The following SMTN variants were observed in gnomAD, a reference collection of about 807,000 sequenced individuals.
The protein encoded by SMTN is smoothelin.
SMTN carries 58 observed loss-of-function variants against 102.0 expected under a neutral mutation model. The observed-to-expected ratio is 0.57, with a 90% CI of 0.46 to 0.71. The LOEUF (loss-of-function observed/expected upper bound fraction) is 0.71. Ranked by LOEUF, SMTN falls within the 30% of genes least tolerant of loss-of-function variation. The probability of loss-of-function intolerance (pLI) is 0.00; values close to 1 mark genes in which losing one functional copy is unlikely to be tolerated. For synonymous variants in SMTN, 478 were observed against 497.9 expected, an observed-to-expected ratio of 0.96 and a Z score of 0.53; for missense variants, 1,185 against 1,241.7, an observed-to-expected ratio of 0.95 and a Z score of 0.69.
intron 19 of SMTN, 28 bp from the exon 20 acceptor site, chr22:31,100,857 C>A: frequency 2.6e-6 from 3 of 1,169,368 alleles, no homozygotes; most frequent in Non-Finnish European, 2.5e-6. Context: ...CCGTCCCCCA[C>A]CCCTTCCCGG....
Position 31,090,952 on chromosome 22 carries a change from T to TCCTTC in SMTN, c.938-8_938-4dup. On this transcript the variant is annotated splice_polypyrimidine_tract_variant and intron_variant, in intron 9 of 20. Coordinates refer to ENST00000333137, the MANE Select transcript of SMTN (RefSeq NM_134269.3). ...ACCCAGTTGCTGACAGCCCTCCTGT[T>TCCTTC]CCTTCTAGAGTCCACCCCCCTTGCC... The TCCTTC allele has an allele frequency of 6.2e-7, 1 of 1,612,898 alleles. No homozygotes were observed. Among genetic ancestry groups the TCCTTC allele is most frequent in the Non-Finnish European group, 8.5e-7 (1 of 1,179,118 alleles).
At chr22:31,091,978 G>T in intron 11 of SMTN, 131 bp downstream of exon 11, 1 of 901,484 alleles carries the variant, frequency 1.1e-6, no homozygotes. Flanking sequence ...CCCAGAGAGG[G>T]AAGGTGGCTG....
chr22:31,079,657 G>A (rs756686450), upstream of SMTN, among the ~76,000 whole-genome samples: 2 of 152,232 alleles, frequency 1.3e-5, no homozygotes, highest in Non-Finnish European at 2.9e-5. Context: ...ATGGCATCTC[G>A]CCCAGGTAGA....
chr22:31,065,148 T>G (rs928647263), intron 1 of SMTN: 10 of 152,184 alleles, frequency 6.6e-5, no homozygotes, highest in Non-Finnish European at 1.0e-4. Context: ...GTTATGCCCT[T>G]CTTAGTGCAT....
chr22:31,084,752 G>C (rs1446182388), intron 2 of SMTN, among the ~76,000 whole-genome samples: 1 of 152,224 alleles, frequency 6.6e-6, no homozygotes, highest in African/African-American at 2.4e-5. Context: ...TGGAGCAGTG[G>C]TTGAATCTCT....
rs1451777177 is a variant in SMTN at position 31,067,609 on chromosome 22, C to T, written c.-386+3422C>T. On this transcript the variant is annotated intron_variant, in intron 1 of 3. Transcript: ENST00000422839. ...CCCCTCTGTTGCCCAGGCTGGAGTG[C>T]AGTGGCACGATCTTGGCTCACTGCA... 4.3e-5 allele frequency: 6 copies of T among 141,040 alleles called. No homozygotes were observed. The East Asian group carries it at 1.3e-3, about 30-fold the overall frequency. 8.7% of individuals were successfully genotyped at this position (141,040 alleles called of 1,614,324 possible).
At chr22:31,077,327 C>A (rs1298561871), upstream of SMTN, among the ~76,000 whole-genome samples, 18 of 151,898 alleles carry the variant, frequency 1.2e-4, no homozygotes, top group Non-Finnish European at 2.2e-4. Context: ...CTGCAGTGAG[C>A]CATGGTTGTG....
chr22:31,091,541 T>G, intron 10 of SMTN, 59 bp downstream of exon 10: 1 of 1,512,296 alleles, frequency 6.6e-7, no homozygotes, highest in African/African-American at 1.4e-5. Context: ...CACTTCTGCA[T>G]GCAGGACAGG....
intron 1 of SMTN, among the ~76,000 whole-genome samples, chr22:31,070,499 C>CA (rs2041970147): frequency 6.6e-6 from 1 of 152,118 alleles, no homozygotes; most frequent in South Asian, 2.1e-4. Flanking sequence ...GGAACACCCC[C>CA]ACCCCCACGT....
intron 11 of SMTN, among the ~76,000 whole-genome samples, chr22:31,094,321 G>C (rs948910575): frequency 6.6e-6 from 1 of 152,222 alleles, no homozygotes; most frequent in African/African-American, 2.4e-5. Flanking sequence ...GGCGAGGCAG[G>C]GGGAGGTGGT....
Position 31,091,437 on chromosome 22 carries a change from G to A in SMTN, c.1414G>A (p.Ala472Thr). 1 of 1,537,964 alleles carries A rather than the reference G, an allele frequency of 6.5e-7. No homozygotes were observed. Residue 472 changes from alanine to threonine, a missense_variant, in exon 10 of 21, where the codon GCC becomes ACC. By Grantham distance (58) the Ala-to-Thr change is moderately conservative. This residue lies in a region of SMTN where 1,096 missense variants were observed against 1,112.7 expected (regional missense o/e 0.98). Coordinates refer to ENST00000333137, the MANE Select transcript of SMTN (RefSeq NM_134269.3). ...TIEIKDGRGQ[A>T]STGRVLLPTG... ...CGAGATCAAGGACGGCCGTGGCCAGGCCTCCACAGGCCGGGTGCTGCTGCC... is the reference window on the plus strand; with the variant it reads ...CGAGATCAAGGACGGCCGTGGCCAGACCTCCACAGGCCGGGTGCTGCTGCC...
At chr22:31,081,723 T>G (rs1252923802) in intron 1 of SMTN, among the ~76,000 whole-genome samples, 1 of 152,170 alleles carries the variant, frequency 6.6e-6, no homozygotes, top group African/African-American at 2.4e-5. Flanking sequence ...CCTCACAATG[T>G]CCGGCGACCC....
intron 19 of SMTN, 44 bp from the exon 20 acceptor site, chr22:31,100,841 C>CT: frequency 8.3e-6 from 7 of 840,534 alleles, no homozygotes; most frequent in South Asian, 5.8e-5. Context: ...CCCTGGCCTC[C>CT]TGCCCCCGTC....
intron 6 of SMTN, 83 bp from the exon 7 acceptor site, chr22:31,089,616 G>C: frequency 7.5e-7 from 1 of 1,337,434 alleles, no homozygotes; most frequent in Middle Eastern, 2.1e-4. Context: ...CCTGCCCTGG[G>C]CACTTGCCAG....
intron 10 of SMTN, 87 bp from the exon 11 acceptor site, chr22:31,091,588 T>A: frequency 6.6e-7 from 1 of 1,515,630 alleles, no homozygotes; most frequent in Admixed American, 2.0e-5. Context: ...CCAAAGGGTG[T>A]GCTGGGAGCG....
intron 1 of SMTN, chr22:31,067,608 G>T (rs1222937221): frequency 2.8e-5 from 4 of 140,406 alleles, no homozygotes; most frequent in African/African-American, 1.1e-4. Context: ...AGGCTGGAGT[G>T]CAGTGGCACG....
At chr22:31,075,369 A>G (rs550877321) in intron 1 of SMTN, among the ~76,000 whole-genome samples, 6 of 152,304 alleles carry the variant, frequency 3.9e-5, no homozygotes, top group South Asian at 4.1e-4. Flanking sequence ...CATCAGGGGC[A>G]GTGTTCCATC....
At chr22:31,077,318 T>C (rs542503603), upstream of SMTN, among the ~76,000 whole-genome samples, 7 of 151,658 alleles carry the variant, frequency 4.6e-5, no homozygotes, top group South Asian at 8.3e-4. Context: ...AGGTCAAGGC[T>C]GCAGTGAGCC....
At chr22:31,080,405 T>C (rs1484129894), upstream of SMTN, 1 of 152,230 alleles carries the variant, frequency 6.6e-6, no homozygotes, top group Non-Finnish European at 1.5e-5. Flanking sequence ...GCCTGGTACA[T>C]GGCAAGTACA....
Sources: gnomAD v4.1 joint callset for allele counts (sites outside exome capture counted in the v4.1 genomes callset) on GRCh38, gnomAD v4.1.1 for gene constraint, gnomAD v4.1.1 regional missense constraint, MANE v1.5 for transcripts, NCBI Gene and HGNC (gene_info 2026-07-23, HGNC 2026-07-21) for gene names.